Variants in CDH23 observed in about 807,000 individuals in gnomAD.
The protein encoded by CDH23 is cadherin related 23.
In CDH23, 189 loss-of-function variants were observed where a neutral mutation model predicts 317.1. The ratio of observed to expected loss-of-function variants is 0.60; its 90% CI spans 0.53 to 0.67. The LOEUF is 0.67. CDH23 is among the 30% of genes least tolerant of loss of function. CDH23 has a pLI of 0.00. For synonymous variants in CDH23, 1,839 were observed against 1,876.8 expected, an observed-to-expected ratio of 0.98 and a Z score of 0.52; for missense variants, 4,401 against 4,592.4, an observed-to-expected ratio of 0.96 and a Z score of 1.20.
chr10:71,514,661 G>A (rs1854179280), intron 6 of CDH23, among the ~76,000 whole-genome samples: 1 of 152,118 alleles, frequency 6.6e-6, no homozygotes, highest in African/African-American at 2.4e-5. Flanking sequence ...CCCTCACTAA[G>A]CTGTTCTCCA....
intron 11 of CDH23, among the ~76,000 whole-genome samples, chr10:71,636,716 G>A (rs894824082): frequency 2.0e-5 from 3 of 152,184 alleles, no homozygotes; most frequent in African/African-American, 7.2e-5. Context: ...GCTTGGGGAG[G>A]GGACATAGGT....
At chr10:71,538,815 C>T (rs1435699497) in intron 6 of CDH23, among the ~76,000 whole-genome samples, 2 of 152,178 alleles carry the variant, frequency 1.3e-5, no homozygotes, top group African/African-American at 2.4e-5. Flanking sequence ...AAATCCTCAC[C>T]TGTGGCCAGT....
At chr10:71,583,907 G>T (rs984686714) in intron 9 of CDH23, among the ~76,000 whole-genome samples, 1 of 152,178 alleles carries the variant, frequency 6.6e-6, no homozygotes, top group Non-Finnish European at 1.5e-5. Flanking sequence ...TCGGGTTCCA[G>T]AACCTCCCAG....
chr10:71,470,656 A>AT (rs1276551810), intron 3 of CDH23, among the ~76,000 whole-genome samples: 1 of 151,874 alleles, frequency 6.6e-6, no homozygotes, highest in Non-Finnish European at 1.5e-5. Context: ...CACCCAGCTA[A>AT]TTTTTTATGT....
At chr10:71,775,781 T>A (rs906973508) in intron 38 of CDH23, among the ~76,000 whole-genome samples, 1 of 152,190 alleles carries the variant, frequency 6.6e-6, no homozygotes, top group Non-Finnish European at 1.5e-5. Flanking sequence ...GTGCTTGTTT[T>A]CATTAAAAAT....
intron 9 of CDH23, among the ~76,000 whole-genome samples, chr10:71,589,183 G>C (rs7097183): frequency 0.019 from 2,851 of 152,074 alleles, 86 homozygotes; most frequent in African/African-American, 0.065. Context: ...GCAGTGGAGC[G>C]ATCTTGGCTC....
chr10:71,600,158 A>T (rs1336238390), intron 9 of CDH23, among the ~76,000 whole-genome samples: 4 of 151,770 alleles, frequency 2.6e-5, no homozygotes, highest in African/African-American at 7.3e-5. Flanking sequence ...GTGTGCTACT[A>T]CACCCGGCTA....
rs143807998 is a variant in CDH23 at position 71,575,917 on chromosome 10, G to A, written c.754-1997G>A. Among the ~76,000 whole-genome samples the A allele has an allele frequency of 4.3e-3, 652 of 152,354 alleles. 6 individuals carry two copies. The highest frequency in any genetic ancestry group is 0.015 in the African/African-American group (617 of 41,576). On this transcript the variant is annotated intron_variant, in intron 8 of 69. Coordinates refer to ENST00000224721, the MANE Select transcript of CDH23 (RefSeq NM_022124.6). Reference sequence around the variant, plus strand: ...TTAAAAGCTCAGGGTTTTATTAAAAGTGGATTTATTTACCCAAAAAAAGAT... The same window carrying A: ...TTAAAAGCTCAGGGTTTTATTAAAAATGGATTTATTTACCCAAAAAAAGAT...
At chr10:71,469,839 A>G (rs923927944) in intron 3 of CDH23, among the ~76,000 whole-genome samples, 1 of 152,178 alleles carries the variant, frequency 6.6e-6, no homozygotes, top group Non-Finnish European at 1.5e-5. Context: ...TCTTGACCTC[A>G]GGTGGTCTGC....
At chr10:71,398,112 CT>C (rs1371067531) in intron 1 of CDH23, among the ~76,000 whole-genome samples, 1 of 152,226 alleles carries the variant, frequency 6.6e-6, no homozygotes, top group Non-Finnish European at 1.5e-5. Context: ...GGCGGGGACT[CT>C]GCCTGGCTTT....
In CDH23 at chr10:71,695,534, T is replaced by C. The variant is rs1421803695; in HGVS notation, c.2397+9T>C. On this transcript the variant is annotated intron_variant, in intron 22 of 69. Transcript: ENST00000224721. The stretch of plus-strand genomic sequence containing the variant: ...ACTCTGATGTGACCACGGTAGGTGG[T>C]GGCAGAGCAGCAGAACTGCCAGGCG... 6.3e-7 allele frequency: 1 copy of C among 1,593,018 alleles called. No individual in the cohort carries two copies. Among genetic ancestry groups the C allele is most frequent in the African/African-American group, 1.3e-5 (1 of 74,550 alleles).
chr10:71,438,347 CAAAA>C (rs10596696), intron 1 of CDH23, among the ~76,000 whole-genome samples: 16 of 98,346 alleles, frequency 1.6e-4, no homozygotes, highest in Non-Finnish European at 2.9e-4. Flanking sequence ...CTGTCTCAAA[CAAAA>C]AAAAAAAAAA....
intron 38 of CDH23, chr10:71,755,205 G>A (rs367940207): frequency 9.0e-6 from 7 of 776,358 alleles, no homozygotes; most frequent in South Asian, 7.7e-5. Flanking sequence ...CGGCCATTTC[G>A]CCCAGCTCCT....
At chr10:71,649,663 C>T (rs1422737865) in intron 14 of CDH23, among the ~76,000 whole-genome samples, 3 of 152,184 alleles carry the variant, frequency 2.0e-5, no homozygotes, top group African/African-American at 7.2e-5. Flanking sequence ...ACACAGTCAG[C>T]GCTGGCAGAA....
At chr10:71,607,885 A>C (rs1860625563) in intron 9 of CDH23, among the ~76,000 whole-genome samples, 1 of 152,234 alleles carries the variant, frequency 6.6e-6, no homozygotes, top group African/African-American at 2.4e-5. Context: ...CCTGGGTGAT[A>C]GAACAAAACT....
At chr10:71,415,059 C>T (rs906695042) in intron 1 of CDH23, among the ~76,000 whole-genome samples, 7 of 152,068 alleles carry the variant, frequency 4.6e-5, no homozygotes, top group African/African-American at 1.7e-4. Flanking sequence ...GATATCTTTT[C>T]ATGGATGAAA....
chr10:71,743,256 T>C lies in CDH23; in HGVS notation c.4845+1335T>C, dbSNP rs143838362. ...GAAGGTGAAGAGTTCAGGGACAGTT[T>C]TGTAATCTGTCTCCTGGAAGGACCC... On this transcript the variant is annotated intron_variant, in intron 38 of 69. Coordinates refer to ENST00000224721, the MANE Select transcript of CDH23 (RefSeq NM_022124.6). Among the ~76,000 whole-genome samples, 138 of 152,298 alleles carry C rather than the reference T, an allele frequency of 9.1e-4. No homozygotes were observed. In the Middle Eastern group the frequency reaches 0.037, roughly 41 times the overall value.
chr10:71,745,083 CTCATTCAT>C (rs1227801027), intron 38 of CDH23, among the ~76,000 whole-genome samples: 1 of 152,220 alleles, frequency 6.6e-6, no homozygotes, highest in Admixed American at 6.5e-5. Context: ...CACTCATTCA[CTCATTCAT>C]TCATTCAGCC....
In CDH23 at chr10:71,814,981, A is replaced by G. The variant is rs1287268348; in HGVS notation, c.9768A>G (p.Pro3256=). ...ELIQTELDEE[P]GDHSPGQGSL... ...TACAGACTGAGCTGGACGAGGAGCC[A>G]GGAGACCACAGCCCAGGGCAGGGTA... The change falls in exon 70 of 70, where the codon CCA becomes CCG. Residue 3256 remains proline, a synonymous_variant. Coordinates refer to ENST00000224721, the MANE Select transcript of CDH23 (RefSeq NM_022124.6). 1 of 1,612,276 alleles carries G rather than the reference A, an allele frequency of 6.2e-7. No individual in the cohort carries two copies. Among genetic ancestry groups the G allele is most frequent in the East Asian group, 2.2e-5 (1 of 44,874 alleles).
Sources: gnomAD v4.1 joint callset for allele counts (sites outside exome capture counted in the v4.1 genomes callset) on GRCh38, gnomAD v4.1.1 for gene constraint, MANE v1.5 for transcripts, NCBI Gene and HGNC (gene_info 2026-07-23, HGNC 2026-07-21) for gene names.